The following NUP210L variants were observed in gnomAD, a reference collection of about 807,000 sequenced individuals.
NUP210L encodes the protein nuclear pore membrane glycoprotein 210-like.
NUP210L carries 74 observed loss-of-function variants against 208.5 expected under a neutral mutation model. That is an observed-to-expected ratio of 0.35 (90% CI 0.29 to 0.43). The LOEUF is 0.43. Ranked by LOEUF, NUP210L falls within the 20% of genes least tolerant of loss-of-function variation. NUP210L has a pLI of 1.00. For missense variants in NUP210L, 1,843 were observed against 2,289.4 expected, an observed-to-expected ratio of 0.81 and a Z score of 3.98; for synonymous variants, 780 against 816.9, an observed-to-expected ratio of 0.95 and a Z score of 0.77.
At chr1:154,074,808 T>G (rs997037245) in intron 16 of NUP210L, among the ~76,000 whole-genome samples, 1 of 152,152 alleles carries the variant, frequency 6.6e-6, no homozygotes, top group Non-Finnish European at 1.5e-5. Context: ...AATTTTAAGT[T>G]GATATTTCTG....
chr1:154,149,772 A>T (rs138446384), intron 2 of NUP210L, among the ~76,000 whole-genome samples: 12 of 152,352 alleles, frequency 7.9e-5, no homozygotes, highest in Admixed American at 3.3e-4. Flanking sequence ...TAAATTTAGA[A>T]TGATTAGGAG....
intron 35 of NUP210L, among the ~76,000 whole-genome samples, chr1:154,007,756 A>G (rs1176566099): frequency 3.3e-5 from 5 of 149,634 alleles, no homozygotes; most frequent in Non-Finnish European, 7.4e-5. Context: ...GTATTTTTTT[A>G]GTGGAGACAG....
At chr1:154,032,747 G>C (rs1464959978) in intron 27 of NUP210L, among the ~76,000 whole-genome samples, 1 of 151,684 alleles carries the variant, frequency 6.6e-6, no homozygotes, top group Non-Finnish European at 1.5e-5. Flanking sequence ...GCAAAATCCT[G>C]TCTCTACAAA....
intron 37 of NUP210L, chr1:153,995,975 G>T: frequency 4.9e-6 from 2 of 412,188 alleles, no homozygotes; most frequent in South Asian, 3.7e-5. Flanking sequence ...TGAAACTTTT[G>T]AGTAATAAAA....
At chr1:154,077,220 C>T (rs935694183) in intron 16 of NUP210L, among the ~76,000 whole-genome samples, 1 of 151,678 alleles carries the variant, frequency 6.6e-6, no homozygotes, top group African/African-American at 2.4e-5. Flanking sequence ...ACTAAAAATC[C>T]AAAAAATTAG....
At chr1:154,155,017 G>C in exon 1 of NUP210L, 1 of 1,611,560 alleles carries the variant, frequency 6.2e-7, no homozygotes, top group Non-Finnish European at 8.5e-7. Context: ...AAGCCTCGGC[G>C]TCTTGATGAC....
intron 33 of NUP210L, 91 bp from the exon 34 acceptor site, chr1:154,012,461 G>C: frequency 1.6e-6 from 2 of 1,256,866 alleles, no homozygotes; most frequent in Non-Finnish European, 2.2e-6. Flanking sequence ...TTAACCAAAA[G>C]TATCTGTTTC....
chr1:154,088,668 A>G (rs1046165630), intron 16 of NUP210L, among the ~76,000 whole-genome samples: 4 of 152,220 alleles, frequency 2.6e-5, no homozygotes, highest in African/African-American at 9.6e-5. Flanking sequence ...TATGGCATAA[A>G]TAACATGTAC....
At chr1:154,076,398 G>A (rs1004561597) in intron 16 of NUP210L, among the ~76,000 whole-genome samples, 1 of 152,008 alleles carries the variant, frequency 6.6e-6, no homozygotes, top group East Asian at 1.9e-4. Flanking sequence ...CACTGTGCCC[G>A]GCCAGACTTC....
At chr1:153,992,878 G>C (rs1649545517) in exon 40 of NUP210L, 3 of 1,613,392 alleles carry the variant, frequency 1.9e-6, no homozygotes, top group Non-Finnish European at 2.5e-6. Flanking sequence ...CCGACTTTGG[G>C]CCAATGGAGG....
At chr1:154,103,684 A>C (rs1326172403) in intron 13 of NUP210L, among the ~76,000 whole-genome samples, 4 of 150,536 alleles carry the variant, frequency 2.7e-5, no homozygotes, top group Admixed American at 6.6e-5. Context: ...AAAAAAAAAA[A>C]AAAAGAAAAA....
At chr1:154,083,409 AC>A (rs1232554855) in intron 16 of NUP210L, among the ~76,000 whole-genome samples, 1 of 152,214 alleles carries the variant, frequency 6.6e-6, no homozygotes, top group Admixed American at 6.5e-5. Flanking sequence ...AGCTGGCTTC[AC>A]CTCTCAACTT....
exon 26 of NUP210L, chr1:154,046,337 C>G (rs370524608): frequency 7.4e-6 from 12 of 1,614,080 alleles, no homozygotes; most frequent in Non-Finnish European, 1.0e-5. Context: ...TCCTAACAGC[C>G]CTTAGCTGAA....
intron 27 of NUP210L, among the ~76,000 whole-genome samples, chr1:154,044,421 GAAAAA>G (rs1653064634): frequency 7.0e-6 from 1 of 143,594 alleles, no homozygotes; most frequent in Non-Finnish European, 1.5e-5. Context: ...AAAAAAAAAA[GAAAAA>G]GAAAAAGAAA....
exon 37 of NUP210L, chr1:154,000,956 G>A: frequency 6.2e-7 from 1 of 1,614,166 alleles, no homozygotes; most frequent in Non-Finnish European, 8.5e-7. Context: ...CCATTTGCTG[G>A]AAGGAAGTGA....
rs778973201 is a variant in NUP210L, at chr1:154,154,988, CAAG to C, written c.54_56del (p.Phe18del). ...ACAACAACAGGAGGCGGTGTAGACG[CAAG>C]AAGAAAAAGAGCCCGAAGCCTCGGC... On this transcript the variant is annotated inframe_deletion, in exon 1 of 40. Coordinates refer to ENST00000368559, the Ensembl canonical transcript of NUP210L. The C allele has an allele frequency of 1.3e-5, 21 of 1,613,768 alleles. No homozygotes were observed. In the Admixed American group the frequency reaches 2.7e-4, roughly 21 times the overall value.
chr1:154,029,560 G>A (rs1035760619), intron 28 of NUP210L, among the ~76,000 whole-genome samples: 12 of 151,846 alleles, frequency 7.9e-5, no homozygotes, highest in Non-Finnish European at 1.5e-4. Context: ...AAAATTAGCT[G>A]GGCTTGGTGG....
chr1:154,137,620 T>C (rs931023896), intron 6 of NUP210L, among the ~76,000 whole-genome samples: 1 of 150,678 alleles, frequency 6.6e-6, no homozygotes. Flanking sequence ...GAGGCTGAGG[T>C]GGGAGGATCA....
chr1:154,086,334 T>C (rs933534690), intron 16 of NUP210L, among the ~76,000 whole-genome samples: 5 of 151,972 alleles, frequency 3.3e-5, no homozygotes, highest in Non-Finnish European at 7.4e-5. Context: ...GAGAGCTAAA[T>C]GTAAGAGTTA....
Sources: allele counts gnomAD v4.1 joint callset (sites outside exome capture counted in the v4.1 genomes callset), GRCh38; gene constraint gnomAD v4.1.1; transcripts MANE v1.5; gene names NCBI Gene and HGNC (gene_info 2026-07-23, HGNC 2026-07-21).